Variants in SLC2A5 observed in about 807,000 individuals in gnomAD.
SLC2A5 encodes solute carrier family 2, facilitated glucose transporter member 5.
SLC2A5 carries 56 observed loss-of-function variants against 50.3 expected under a neutral mutation model. The observed-to-expected ratio is 1.11, with a 90% CI of 0.90 to 1.39. The LOEUF (loss-of-function observed/expected upper bound fraction) is 1.39, where lower values mean the gene tolerates loss of function less well. SLC2A5 is among the 40% of genes most tolerant of loss of function. The pLI, the probability that SLC2A5 is intolerant of heterozygous loss-of-function variation, is 0.00. For synonymous variants in SLC2A5, 269 were observed against 281.9 expected (o/e 0.95, Z 0.46); for missense variants, 566 against 650.1 (o/e 0.87, Z 1.41).
chr1:9,076,547 G>A (rs189164848), intron 2 of SLC2A5, among the ~76,000 whole-genome samples: 1 of 152,252 alleles, frequency 6.6e-6, no homozygotes, highest in East Asian at 1.9e-4. Flanking sequence ...GCCTATATGT[G>A]CCTTTGATGC....
chr1:9,084,075 C>T (rs895183750), intron 2 of SLC2A5, among the ~76,000 whole-genome samples: 2 of 150,026 alleles, frequency 1.3e-5, no homozygotes, highest in Non-Finnish European at 3.0e-5. Flanking sequence ...ACCTGGGAGG[C>T]GGAGATTGCA....
chr1:9,060,088 CACACACA>C (rs1641878703), intron 1 of SLC2A5, among the ~76,000 whole-genome samples: 1 of 143,724 alleles, frequency 7.0e-6, no homozygotes, highest in Non-Finnish European at 1.5e-5. Context: ...ACACACACTA[CACACACA>C]ACACACACAA....
At chr1:9,075,032 CA>C (rs70985580) in intron 2 of SLC2A5, among the ~76,000 whole-genome samples, 24,387 of 141,918 alleles carry the variant, frequency 0.17, 2,076 homozygotes, top group East Asian at 0.28. Context: ...AAAAACAAAA[CA>C]AAAAAAAAAA....
chr1:9,076,881 C>T (rs770135268), intron 2 of SLC2A5, among the ~76,000 whole-genome samples: 3 of 151,810 alleles, frequency 2.0e-5, no homozygotes, highest in Non-Finnish European at 4.4e-5. Context: ...CCTCCGTCTC[C>T]CGGGTTCAAG....
intron 1 of SLC2A5, among the ~76,000 whole-genome samples, chr1:9,085,552 T>G (rs1243558225): frequency 6.6e-6 from 1 of 152,196 alleles, no homozygotes; most frequent in African/African-American, 2.4e-5. Context: ...AGTTGCAAAA[T>G]GTTTTTTATC....
chr1:9,040,506 C>T lies in SLC2A5; in HGVS notation c.572-317G>A. ...GGCTGGAGGAGCTGGGCATACCCGG[C>T]CTGACCCAACTGCCCACTCCCAGCT... On this transcript the variant is annotated intron_variant, in intron 5 of 11. Coordinates refer to ENST00000377424, the MANE Select transcript of SLC2A5 (RefSeq NM_003039.3). This position sits in a 1 kb window ranked among gnomAD's most constrained non-coding sequence, Gnocchi z 4.3. The T allele has an allele frequency of 3.2e-6, 1 of 308,996 alleles. No individual in the cohort carries two copies. Among genetic ancestry groups the T allele is most frequent in the Non-Finnish European group, 6.1e-6 (1 of 164,158 alleles). 19.1% of individuals were successfully genotyped at this position (308,996 alleles called of 1,614,324 possible).
intron 4 of SLC2A5, among the ~76,000 whole-genome samples, chr1:9,046,181 C>G (rs917237551): frequency 6.6e-6 from 1 of 151,196 alleles, no homozygotes; most frequent in South Asian, 2.1e-4. Context: ...CTGGGAGGGG[C>G]TCCCTCAAGG....
chr1:9,057,888 C>A (rs13306770), intron 2 of SLC2A5, among the ~76,000 whole-genome samples: 20 of 152,140 alleles, frequency 1.3e-4, no homozygotes, highest in Non-Finnish European at 2.8e-4. Flanking sequence ...CCCTGGCCCC[C>A]CCGGATTCCC....
intron 3 of SLC2A5, among the ~76,000 whole-genome samples, chr1:9,049,993 C>T (rs975089664): frequency 6.6e-6 from 1 of 151,820 alleles, no homozygotes; most frequent in African/African-American, 2.4e-5. Flanking sequence ...ATAGATTGGC[C>T]AGGCGCAGTG....
intron 5 of SLC2A5, chr1:9,041,442 C>T (rs377172331): frequency 7.4e-5 from 94 of 1,275,260 alleles, no homozygotes; most frequent in East Asian, 3.6e-4. Context: ...ATGCTGGGTC[C>T]GCCCCAAGCA....
chr1:9,068,368 T>G (rs1246956990), intron 1 of SLC2A5, among the ~76,000 whole-genome samples: 1 of 151,360 alleles, frequency 6.6e-6, no homozygotes, highest in Non-Finnish European at 1.5e-5. Context: ...ACTGAAGAGT[T>G]AAAGAACTTA....
Position 9,069,205 on chromosome 1 carries a change from A to G in SLC2A5, c.33+299T>C, listed in dbSNP as rs114104119. ...ACCATAGAAGGATTTTGCAGCTAAC[A>G]TGTTTGGTTCAAGTTGGGACAAATG... On this transcript the variant is annotated intron_variant, in intron 1 of 11. Transcript: ENST00000377424. Among the ~76,000 whole-genome samples, 954 of 152,338 alleles carry G rather than the reference A, an allele frequency of 6.3e-3. 11 individuals carry two copies. The highest frequency in any genetic ancestry group is 0.022 in the African/African-American group (922 of 41,578).
At chr1:9,039,459 G>A (rs1243054316) in intron 8 of SLC2A5, 93 bp downstream of exon 8, 2 of 891,380 alleles carry the variant, frequency 2.2e-6, no homozygotes, top group East Asian at 6.2e-5. Context: ...CACGTTTTGG[G>A]GCCACGGGCT....
At chr1:9,066,601 T>C (rs979846681) in intron 1 of SLC2A5, among the ~76,000 whole-genome samples, 1 of 152,162 alleles carries the variant, frequency 6.6e-6, no homozygotes, top group Non-Finnish European at 1.5e-5. Context: ...ATTTTATTTT[T>C]TTTTCTTTCA....
intron 1 of SLC2A5, among the ~76,000 whole-genome samples, chr1:9,065,453 G>A (rs531965157): frequency 2.6e-4 from 40 of 152,338 alleles, no homozygotes; most frequent in Non-Finnish European, 5.4e-4. Context: ...TCTGCAGTCA[G>A]AATGCAAACA....
upstream of SLC2A5, among the ~76,000 whole-genome samples, chr1:9,073,971 T>G (rs1642253757): frequency 6.6e-6 from 1 of 152,056 alleles, no homozygotes; most frequent in South Asian, 2.1e-4. Context: ...CCCCACCTAC[T>G]CAGGAGGCTA....
At chr1:9,041,289 T>A in intron 5 of SLC2A5, 1 of 415,810 alleles carries the variant, frequency 2.4e-6, no homozygotes. Flanking sequence ...TTGGGGAAGG[T>A]GGAGGCAGGG....
chr1:9,079,134 C>T (rs977199716), intron 2 of SLC2A5, among the ~76,000 whole-genome samples: 5 of 152,176 alleles, frequency 3.3e-5, no homozygotes, highest in Admixed American at 6.5e-5. Context: ...GTCCAGAAAA[C>T]GTGCGCCTTC....
At chr1:9,055,642 G>T (rs1022018825) in intron 3 of SLC2A5, among the ~76,000 whole-genome samples, 66 of 152,120 alleles carry the variant, frequency 4.3e-4, no homozygotes, top group African/African-American at 1.6e-3. Context: ...CTGGCCACAT[G>T]CAGTGTTTCA....
Sources: gnomAD v4.1 joint callset for allele counts (sites outside exome capture counted in the v4.1 genomes callset) on GRCh38, gnomAD v4.1.1 for gene constraint, Gnocchi (gnomAD v3.1) non-coding constraint, MANE v1.5 for transcripts, NCBI Gene and HGNC (gene_info 2026-07-23, HGNC 2026-07-21) for gene names.